GABRB1: variants seen among roughly 807,000 people sequenced by gnomAD.
GABRB1 encodes the protein gamma-aminobutyric acid receptor subunit beta-1.
Under a neutral mutation model 51.6 loss-of-function variants are expected in GABRB1, and 17 were observed. That is an observed-to-expected ratio of 0.33 (90% CI 0.23 to 0.49). The LOEUF is 0.49. GABRB1 is among the 20% of genes least tolerant of loss of function. GABRB1 has a pLI of 0.99. For missense variants in GABRB1, 410 were observed against 600.6 expected, an observed-to-expected ratio of 0.68 and a Z score of 3.32; for synonymous variants, 247 against 218.9, an observed-to-expected ratio of 1.13 and a Z score of -1.14.
chr4:47,219,937 T>C (rs1466510681), intron 4 of GABRB1, among the ~76,000 whole-genome samples: 1 of 151,932 alleles, frequency 6.6e-6, no homozygotes, highest in Non-Finnish European at 1.5e-5. Flanking sequence ...AGATCTCACA[T>C]TCAGCCATTT....
At chr4:47,138,342 T>C (rs1335925939) in intron 3 of GABRB1, among the ~76,000 whole-genome samples, 1 of 152,068 alleles carries the variant, frequency 6.6e-6, no homozygotes, top group Non-Finnish European at 1.5e-5. Flanking sequence ...ATCAATGTAG[T>C]TGATGTACAG....
intron 5 of GABRB1, among the ~76,000 whole-genome samples, chr4:47,350,218 T>TATATAGAGAGAGAG (rs750199965): frequency 4.2e-4 from 24 of 56,646 alleles, no homozygotes; most frequent in East Asian, 1.8e-3. Flanking sequence ...TATATATATA[T>TATATAGAGAGAGAG]AGAGAGAGAG....
chr4:47,125,447 A>G (rs890922087), intron 3 of GABRB1, among the ~76,000 whole-genome samples: 3 of 152,010 alleles, frequency 2.0e-5, no homozygotes, highest in Non-Finnish European at 4.4e-5. Flanking sequence ...ACTCTAATAC[A>G]GTAATAATGG....
At chr4:47,067,999 A>G (rs1159374662) in intron 3 of GABRB1, among the ~76,000 whole-genome samples, 7 of 152,086 alleles carry the variant, frequency 4.6e-5, no homozygotes, top group Non-Finnish European at 8.8e-5. Flanking sequence ...CTGTTCCTGC[A>G]TTAGTTTGCT....
chr4:47,019,672 T>TTTCC (rs1560498212), intron 1 of GABRB1, among the ~76,000 whole-genome samples: 22 of 141,120 alleles, frequency 1.6e-4, no homozygotes, highest in African/African-American at 5.0e-4. Flanking sequence ...TCTTTCTTTC[T>TTTCC]TTCTTTCCTT....
At chr4:47,264,865 A>G (rs1722586026) in intron 4 of GABRB1, among the ~76,000 whole-genome samples, 2 of 152,116 alleles carry the variant, frequency 1.3e-5, no homozygotes, top group Admixed American at 1.3e-4. Flanking sequence ...TGTCACTATA[A>G]ATGAGTTTGC....
At chr4:47,099,618 C>T (rs1017435516) in intron 3 of GABRB1, among the ~76,000 whole-genome samples, 1 of 151,898 alleles carries the variant, frequency 6.6e-6, no homozygotes, top group Admixed American at 6.6e-5. Flanking sequence ...TCTCAGAAGC[C>T]CAGGCTCATC....
At position 47,263,222 on chromosome 4, in the gene GABRB1, A is replaced by G. The variant is rs951733772; in HGVS notation, c.462-56905A>G. Among the ~76,000 whole-genome samples the G allele has an allele frequency of 2.0e-5, 3 of 148,120 alleles. No individual in the cohort carries two copies. In the South Asian group the frequency reaches 6.4e-4, roughly 31 times the overall value. The stretch of plus-strand genomic sequence containing the variant: ...AATAAATAAATAAATAAATAAATAA[A>G]TAATGGAAAAGAGCTTAACATTAAC... On this transcript the variant is annotated intron_variant, in intron 4 of 8. Transcript: ENST00000295454.
chr4:47,329,856 G>C (rs577521621), intron 5 of GABRB1, among the ~76,000 whole-genome samples: 1 of 151,794 alleles, frequency 6.6e-6, no homozygotes, highest in Non-Finnish European at 1.5e-5. Context: ...GAGCGAGTGA[G>C]AAATAAGAAA....
intron 3 of GABRB1, among the ~76,000 whole-genome samples, chr4:47,109,248 C>T (rs897402815): frequency 2.6e-5 from 4 of 151,904 alleles, no homozygotes; most frequent in African/African-American, 7.3e-5. Flanking sequence ...TCATTGGTGG[C>T]TTATGAATAA....
intron 5 of GABRB1, among the ~76,000 whole-genome samples, chr4:47,346,430 G>T (rs4577548): frequency 0.37 from 55,601 of 149,996 alleles, 10,388 homozygotes; most frequent in South Asian, 0.48. Context: ...TGGATTGAAA[G>T]AAACTGTGAC....
intron 5 of GABRB1, among the ~76,000 whole-genome samples, chr4:47,321,213 TTAGA>T (rs1301233725): frequency 6.6e-6 from 1 of 152,208 alleles, no homozygotes; most frequent in African/African-American, 2.4e-5. Context: ...AGATGTTTAT[TTAGA>T]TAGTCTAAAA....
chr4:47,124,676 A>G (rs1716032522), intron 3 of GABRB1, among the ~76,000 whole-genome samples: 1 of 152,214 alleles, frequency 6.6e-6, no homozygotes, highest in South Asian at 2.1e-4. Flanking sequence ...ATTGCAGAAA[A>G]GAACCTAACA....
At chr4:47,107,386 C>A (rs1240564723) in intron 3 of GABRB1, among the ~76,000 whole-genome samples, 1 of 152,028 alleles carries the variant, frequency 6.6e-6, no homozygotes, top group Non-Finnish European at 1.5e-5. Context: ...AACCTAATTA[C>A]TTTCCTCTGG....
chr4:47,127,290 A>G (rs1716193802), intron 3 of GABRB1, among the ~76,000 whole-genome samples: 1 of 151,852 alleles, frequency 6.6e-6, no homozygotes, highest in Non-Finnish European at 1.5e-5. Context: ...AAAACAGATT[A>G]TAACACATGC....
intron 4 of GABRB1, among the ~76,000 whole-genome samples, chr4:47,192,404 A>C (rs1049748930): frequency 1.2e-4 from 19 of 152,200 alleles, no homozygotes; most frequent in Non-Finnish European, 2.2e-4. Context: ...TTGTGAAAAA[A>C]GGAAAATGTA....
intron 1 of GABRB1, among the ~76,000 whole-genome samples, chr4:46,999,858 A>G (rs557549845): frequency 6.6e-6 from 1 of 152,144 alleles, no homozygotes; most frequent in Non-Finnish European, 1.5e-5. Context: ...ACTCCTCCCA[A>G]ATTTGCACAT....
At chr4:47,335,179 T>C (rs1725650717) in intron 5 of GABRB1, among the ~76,000 whole-genome samples, 2 of 152,144 alleles carry the variant, frequency 1.3e-5, no homozygotes, top group Non-Finnish European at 2.9e-5. Context: ...ATCCTGAATG[T>C]CTACCTCCTC....
intron 3 of GABRB1, among the ~76,000 whole-genome samples, chr4:47,150,182 AACACACACAC>A (rs36209473): frequency 0.67 from 94,323 of 141,490 alleles, 31,318 homozygotes; most frequent in Middle Eastern, 0.76. Context: ...ACACACACAC[AACACACACAC>A]ACACACACAC....
Sources: allele counts gnomAD v4.1 joint callset (sites outside exome capture counted in the v4.1 genomes callset), GRCh38; gene constraint gnomAD v4.1.1; transcripts MANE v1.5; gene names NCBI Gene and HGNC (gene_info 2026-07-23, HGNC 2026-07-21).